The following ANAPC4 variants were observed in gnomAD, a reference collection of about 807,000 sequenced individuals.
ANAPC4 encodes anaphase-promoting complex subunit 4.
A neutral mutation model predicts 119.8 loss-of-function variants in ANAPC4; 63 were observed. The observed-to-expected ratio is 0.53, with a 90% CI of 0.43 to 0.65. ANAPC4 has a LOEUF of 0.65. Ranked by LOEUF, ANAPC4 falls within the 30% of genes least tolerant of loss-of-function variation. The probability of loss-of-function intolerance (pLI) is 0.00; values close to 1 mark genes in which losing one functional copy is unlikely to be tolerated. For synonymous variants in ANAPC4, 283 were observed against 318.6 expected (o/e 0.89, Z 1.19); for missense variants, 716 against 945.1 (o/e 0.76, Z 3.18).
chr4:25,410,863 C>A (rs1465102772), intron 21 of ANAPC4, among the ~76,000 whole-genome samples: 1 of 151,954 alleles, frequency 6.6e-6, no homozygotes, highest in Admixed American at 6.6e-5. Context: ...GAGTTCCATC[C>A]CCAAGATATC....
chr4:25,383,669 T>G (rs1293824524), intron 4 of ANAPC4, among the ~76,000 whole-genome samples: 2 of 152,208 alleles, frequency 1.3e-5, no homozygotes, highest in Non-Finnish European at 2.9e-5. Context: ...TTTCTTTGTT[T>G]CTCAGTGCAT....
At position 25,381,110 on chromosome 4, in the gene ANAPC4, C is replaced by T. The variant is rs906617302; in HGVS notation, c.235+631C>T. 5.9e-5 allele frequency among the ~76,000 whole-genome samples: 9 copies of T among 152,160 alleles called. No homozygotes were observed. The East Asian group carries it at 1.5e-3, about 26-fold the overall frequency. ...ATCAGCACAGTAAAATGCTGTAAAC[C>T]CTACAGCTTAAAGTTCATTTGTATC... On this transcript the variant is annotated intron_variant, in intron 3 of 28. Transcript: ENST00000315368.
At chr4:25,415,813 TG>T (rs1291959007) in intron 26 of ANAPC4, 1 of 306,656 alleles carries the variant, frequency 3.3e-6, no homozygotes, top group Admixed American at 5.0e-5. Flanking sequence ...GTGGTTCCCA[TG>T]GGCAGATGGC....
intron 7 of ANAPC4, among the ~76,000 whole-genome samples, 154 bp downstream of exon 7, chr4:25,389,036 G>A (rs1031721840): frequency 9.2e-5 from 14 of 152,102 alleles, no homozygotes; most frequent in Non-Finnish European, 1.9e-4. Flanking sequence ...TGTCACCCAG[G>A]CTGGAGTGCA....
In ANAPC4 at chr4:25,392,629, A is replaced by G. The variant is rs538640517; in HGVS notation, c.789+208A>G. 1.1e-3 allele frequency among the ~76,000 whole-genome samples: 163 copies of G among 152,298 alleles called. 1 individual carries two copies. Among genetic ancestry groups the G allele is most frequent in the African/African-American group, 3.8e-3 (157 of 41,546 alleles). ...GCACCCTATTTTCCACCTCCAAAAG[A>G]GTTTAAATCTTTTAAAATACTCCCA... On this transcript the variant is annotated intron_variant, in intron 10 of 28. Transcript: ENST00000315368.
chr4:25,387,491 C>A (rs1159306781), intron 4 of ANAPC4, among the ~76,000 whole-genome samples: 1 of 152,106 alleles, frequency 6.6e-6, no homozygotes, highest in African/African-American at 2.4e-5. Context: ...GATTACAAAT[C>A]GTTATGTGAA....
At position 25,385,608 on chromosome 4, in the gene ANAPC4, C is replaced by T. The variant is rs73254161; in HGVS notation, c.368+2215C>T. 9.7e-3 allele frequency among the ~76,000 whole-genome samples: 1,474 copies of T among 152,290 alleles called. 14 individuals are homozygous for T. Among genetic ancestry groups the T allele is most frequent in the Non-Finnish European group, 0.014 (940 of 68,020 alleles). On this transcript the variant is annotated intron_variant, in intron 4 of 28. Transcript: ENST00000315368. ...CACATTTTTATTTTTTTTGTATTTA[C>T]TGGAGTAGCACTTTTAATTTCCTTT...
intron 14 of ANAPC4, 50 bp downstream of exon 14, chr4:25,394,955 C>G (rs376294380): frequency 2.2e-6 from 3 of 1,380,324 alleles, no homozygotes; most frequent in Non-Finnish European, 3.0e-6. Context: ...ACATACCTGG[C>G]GTTGGCCTTC....
intron 16 of ANAPC4, among the ~76,000 whole-genome samples, chr4:25,402,744 G>A (rs1723043824): frequency 6.6e-6 from 1 of 152,072 alleles, no homozygotes; most frequent in South Asian, 2.1e-4. Context: ...TAACCAGTTG[G>A]AATCTAAGTT....
At chr4:25,392,209 C>G (rs563063366) in intron 9 of ANAPC4, 129 bp from the exon 10 acceptor site, 1 of 650,458 alleles carries the variant, frequency 1.5e-6, no homozygotes, top group Admixed American at 2.5e-5. Context: ...TGTTTCCAAA[C>G]CGTTCTGCTC....
chr4:25,395,995 C>T (rs1022006751), intron 14 of ANAPC4, among the ~76,000 whole-genome samples: 2 of 152,250 alleles, frequency 1.3e-5, no homozygotes, highest in Non-Finnish European at 2.9e-5. Context: ...CTCGCCCACA[C>T]TGATGGCCAT....
At chr4:25,377,395 C>G in intron 1 of ANAPC4, 23 bp from the exon 2 acceptor site, 1 of 1,611,082 alleles carries the variant, frequency 6.2e-7, no homozygotes, top group Non-Finnish European at 8.5e-7. Flanking sequence ...TCCTGCCGGC[C>G]TCTGACTGGG....
rs1056288129 is a variant in ANAPC4, at chr4:25,417,530, A to G, written c.2076-86A>G. On this transcript the variant is annotated intron_variant, in intron 27 of 28. Coordinates refer to ENST00000315368, the MANE Select transcript of ANAPC4 (RefSeq NM_013367.3). ...AGAAGTATGAGTAGAAGTCAAAACC[A>G]TAATTGACCCTAATACCACCTGTAG... 6.7e-6 allele frequency: 9 copies of G among 1,352,342 alleles called. No individual in the cohort carries two copies. The African/African-American group carries it at 8.9e-5, about 13-fold the overall frequency. 83.8% of individuals were successfully genotyped at this position (1,352,342 alleles called of 1,614,324 possible).
At chr4:25,399,058 T>C (rs1311427955) in intron 16 of ANAPC4, among the ~76,000 whole-genome samples, 1 of 151,906 alleles carries the variant, frequency 6.6e-6, no homozygotes, top group African/African-American at 2.4e-5. Flanking sequence ...AGTACTCCTT[T>C]ACTTGATTCA....
intron 3 of ANAPC4, among the ~76,000 whole-genome samples, chr4:25,381,532 G>A (rs1014758490): frequency 6.6e-6 from 1 of 152,130 alleles, no homozygotes; most frequent in African/African-American, 2.4e-5. Context: ...GGCTGGTCTC[G>A]AACGCCTGGC....
intron 16 of ANAPC4, among the ~76,000 whole-genome samples, chr4:25,399,859 C>T (rs1162493066): frequency 1.3e-5 from 2 of 151,834 alleles, no homozygotes; most frequent in Admixed American, 6.6e-5. Context: ...AGAATGGGGA[C>T]GATGAAGAAC....
chr4:25,417,728 G>A lies in ANAPC4; in HGVS notation c.2188G>A (p.Val730Met). ...QYVAGNGFRK[V>M]SCVLSSNLRH... ...TGTTGCTGGGAATGGTTTTCGAAAA[G>A]TGTCCTGTGTGGTAAGTGTTTAGAG... Residue 730 changes from valine to methionine, a missense_variant, in exon 28 of 29, where the codon GTG becomes ATG. This residue lies in a region of ANAPC4 where 504 missense variants were observed against 615.8 expected (regional missense o/e 0.82). Transcript: ENST00000315368. 1 of 1,611,262 alleles carries A rather than the reference G, an allele frequency of 6.2e-7. No homozygotes were observed.
chr4:25,380,985 T>C (rs1440839033), intron 3 of ANAPC4, among the ~76,000 whole-genome samples: 1 of 152,192 alleles, frequency 6.6e-6, no homozygotes, highest in East Asian at 1.9e-4. Context: ...TCTGGTACCC[T>C]CTTACGTTAA....
rs1723216102 is a variant in ANAPC4, at chr4:25,405,721, T to C, written c.1317+102T>C. The C allele has an allele frequency of 2.6e-6, 3 of 1,143,222 alleles. No homozygotes were observed. The South Asian group carries it at 4.2e-5, about 16-fold the overall frequency. The allele number at this position is 1,143,222 out of a possible 1,614,324, so 70.8% of individuals were successfully genotyped here. A position where few individuals can be genotyped will look rare whatever the true frequency, so the allele number is the denominator to read the frequency against. ...CTTATTCAGTTATTAGTTAACAGGA[T>C]GTCAGGATGTAGACGTTAGATCCCT... is the stretch of plus-strand genomic sequence containing the variant. On this transcript the variant is annotated intron_variant, in intron 18 of 28. Transcript: ENST00000315368. This position sits in a 1 kb window ranked among gnomAD's most constrained non-coding sequence, Gnocchi z 4.6.
Sources: allele counts gnomAD v4.1 joint callset (sites outside exome capture counted in the v4.1 genomes callset), GRCh38; gene constraint gnomAD v4.1.1; regional missense constraint gnomAD v4.1.1; non-coding constraint Gnocchi (gnomAD v3.1); transcripts MANE v1.5; gene names NCBI Gene and HGNC (gene_info 2026-07-23, HGNC 2026-07-21).